M1AP: variants seen among roughly 807,000 people sequenced by gnomAD.
M1AP encodes the protein meiosis 1 arrest protein.
A neutral mutation model predicts 51.2 loss-of-function variants in M1AP; 39 were observed. The ratio of observed to expected loss-of-function variants is 0.76; its 90% CI spans 0.59 to 1.00. M1AP has a LOEUF of 1.00. M1AP is among the 50% of genes least tolerant of loss of function. The pLI, the probability that M1AP is intolerant of heterozygous loss-of-function variation, is 0.00. For synonymous variants in M1AP, 251 were observed against 249.2 expected (o/e 1.01, Z -0.07); for missense variants, 545 against 641.2 (o/e 0.85, Z 1.62).
chr2:74,609,544 C>T (rs768881191), intron 3 of M1AP, among the ~76,000 whole-genome samples: 7 of 152,212 alleles, frequency 4.6e-5, no homozygotes, highest in Non-Finnish European at 1.0e-4. Flanking sequence ...CTCTCCAACA[C>T]ACTGATTTCA....
chr2:74,628,431 T>C, intron 2 of M1AP: 1 of 391,102 alleles, frequency 2.6e-6, no homozygotes, highest in Admixed American at 3.2e-5. Flanking sequence ...ACACCTGATG[T>C]AACCATATAG....
intron 3 of M1AP, 65 bp from the exon 4 acceptor site, chr2:74,607,288 G>C: frequency 6.7e-7 from 1 of 1,502,900 alleles, no homozygotes; most frequent in Admixed American, 1.7e-5. Context: ...GAACATAACA[G>C]TTCCTACCCG....
At chr2:74,606,286 C>T (rs1265837660) in intron 4 of M1AP, among the ~76,000 whole-genome samples, 1 of 152,204 alleles carries the variant, frequency 6.6e-6, no homozygotes, top group Admixed American at 6.5e-5. Context: ...GGATGGGGGC[C>T]TTTCTGTACT....
At chr2:74,587,763 T>C (rs1021094736) in intron 4 of M1AP, among the ~76,000 whole-genome samples, 3 of 152,134 alleles carry the variant, frequency 2.0e-5, no homozygotes, top group African/African-American at 7.2e-5. Flanking sequence ...ACGGTGGCCC[T>C]TAGTGTTTGG....
At chr2:74,561,079 GAGGAGGAGGAGA>G (rs1427212388) in intron 8 of M1AP, among the ~76,000 whole-genome samples, 4 of 77,628 alleles carry the variant, frequency 5.2e-5, no homozygotes, top group Admixed American at 1.2e-4. Context: ...GGAGGAGGAG[GAGGAGGAGGAGA>G]AGGAGAAGGA....
Position 74,604,358 on chromosome 2 carries a change from C to T in M1AP, c.595+2697G>A, listed in dbSNP as rs554354055. On this transcript the variant is annotated intron_variant, in intron 4 of 10. Coordinates refer to ENST00000421985, the MANE Select transcript of M1AP (RefSeq NM_001321739.2). ...GTGGTCCCCAAACTTTTTGGCATGA[C>T]GGGCTGGTTTCATGGAAGACAATTT... Among the ~76,000 whole-genome samples, 33 of 152,242 alleles carry T rather than the reference C, an allele frequency of 2.2e-4. No individual in the cohort carries two copies. The South Asian group carries it at 3.1e-3, about 14-fold the overall frequency.
At chr2:74,614,597 T>C (rs1466408975) in intron 3 of M1AP, among the ~76,000 whole-genome samples, 1 of 152,222 alleles carries the variant, frequency 6.6e-6, no homozygotes, top group Non-Finnish European at 1.5e-5. Context: ...AACTGTAAAT[T>C]CCTAAGAGTA....
At chr2:74,584,805 CATAT>C (rs57709358) in intron 4 of M1AP, among the ~76,000 whole-genome samples, 1,769 of 139,272 alleles carry the variant, frequency 0.013, 23 homozygotes, top group African/African-American at 0.03. Context: ...ATGTTATTGC[CATAT>C]ATATATATAT....
At chr2:74,585,717 G>A (rs567877687) in intron 4 of M1AP, among the ~76,000 whole-genome samples, 36 of 152,180 alleles carry the variant, frequency 2.4e-4, no homozygotes, top group Non-Finnish European at 5.9e-5. Context: ...CCTCTTGGGG[G>A]CAGACTTACA....
chr2:74,639,763 C>T (rs1353625407), intron 2 of M1AP, among the ~76,000 whole-genome samples: 3 of 152,218 alleles, frequency 2.0e-5, no homozygotes, highest in Non-Finnish European at 4.4e-5. Flanking sequence ...TTTCAAACAT[C>T]TGTCAATGCC....
intron 2 of M1AP, 60 bp from the exon 3 acceptor site, chr2:74,615,209 G>GCAGTCTAAA: frequency 7.0e-7 from 1 of 1,434,052 alleles, no homozygotes; most frequent in South Asian, 1.2e-5. Context: ...AGATTAATTG[G>GCAGTCTAAA]CAGTCTAAAT....
chr2:74,604,371 T>C (rs1680846926), intron 4 of M1AP, among the ~76,000 whole-genome samples: 1 of 152,232 alleles, frequency 6.6e-6, no homozygotes, highest in South Asian at 2.1e-4. Context: ...GCTGGTTTCA[T>C]GGAAGACAAT....
intron 3 of M1AP, among the ~76,000 whole-genome samples, chr2:74,610,176 A>ATTT (rs111535856): frequency 1.4e-5 from 2 of 142,582 alleles, no homozygotes; most frequent in African/African-American, 5.1e-5. Context: ...TTATTTTTGT[A>ATTT]TTTTTTTTTT....
Position 74,607,095 on chromosome 2 carries a change from G to A in M1AP, c.555C>T (p.His185=), listed in dbSNP as rs7588379. 6 of 1,613,992 alleles carry A rather than the reference G, an allele frequency of 3.7e-6. No individual in the cohort carries two copies. Among genetic ancestry groups the A allele is most frequent in the South Asian group, 2.2e-5 (2 of 91,080 alleles). Residue 185 remains histidine (H), a synonymous_variant, in exon 4 of 11, where the codon CAC becomes CAT. Coordinates refer to ENST00000421985, the MANE Select transcript of M1AP (RefSeq NM_001321739.2). ...VVEVTKGILE[H]VDSASPVEDT... ...CCTCAACAGGAGACGCTGAGTCCACGTGCTCTAGGATTCCCTTTGTGACCT... is the reference window on the plus strand; with the variant it reads ...CCTCAACAGGAGACGCTGAGTCCACATGCTCTAGGATTCCCTTTGTGACCT...
chr2:74,625,403 T>C (rs911069986), intron 2 of M1AP, among the ~76,000 whole-genome samples: 1 of 152,138 alleles, frequency 6.6e-6, no homozygotes, highest in African/African-American at 2.4e-5. Flanking sequence ...CAAGCATACA[T>C]TTTCTGTTTT....
chr2:74,568,418 C>G (rs762846914), intron 7 of M1AP, among the ~76,000 whole-genome samples: 1 of 152,010 alleles, frequency 6.6e-6, no homozygotes, highest in Non-Finnish European at 1.5e-5. Context: ...AAGGAAGAGT[C>G]CGGAGAGATG....
chr2:74,584,671 A>AATAAAGGTT (rs1679600748), intron 4 of M1AP, among the ~76,000 whole-genome samples: 1 of 151,182 alleles, frequency 6.6e-6, no homozygotes, highest in African/African-American at 2.4e-5. Context: ...AAGTAAGGAA[A>AATAAAGGTT]ATAAAGGTTT....
intron 4 of M1AP, among the ~76,000 whole-genome samples, chr2:74,601,424 T>C (rs1373736033): frequency 6.6e-6 from 1 of 152,120 alleles, no homozygotes; most frequent in Non-Finnish European, 1.5e-5. Flanking sequence ...TACATGCATG[T>C]GTAAGGAGGG....
At chr2:74,637,349 C>T (rs548277934) in intron 2 of M1AP, among the ~76,000 whole-genome samples, 3 of 152,178 alleles carry the variant, frequency 2.0e-5, no homozygotes, top group East Asian at 1.9e-4. Context: ...ACATGGAACC[C>T]GATTATAACA....
Sources: gnomAD v4.1 joint callset for allele counts (sites outside exome capture counted in the v4.1 genomes callset) on GRCh38, gnomAD v4.1.1 for gene constraint, MANE v1.5 for transcripts, NCBI Gene and HGNC (gene_info 2026-07-23, HGNC 2026-07-21) for gene names.